Variants in DACH2 observed in about 807,000 individuals in gnomAD.
DACH2 encodes the protein dachshund family transcription factor 2, also known as dachshund homolog 2.
A neutral mutation model predicts 35.8 loss-of-function variants in DACH2; 17 were observed. The ratio of observed to expected loss-of-function variants is 0.48; its 90% CI spans 0.33 to 0.71. The LOEUF (loss-of-function observed/expected upper bound fraction) is 0.71. DACH2 is among the 30% of genes least tolerant of loss of function. The pLI, the probability that DACH2 is intolerant of heterozygous loss-of-function variation, is 0.02. For missense variants in DACH2, 469 were observed against 472.7 expected, an observed-to-expected ratio of 0.99 and a Z score of 0.07; for synonymous variants, 195 against 177.3, an observed-to-expected ratio of 1.10 and a Z score of -0.79.
At chrX:86,359,084 C>CGTGTGTGTGTGTGTGTGTGT (rs1556037574) in intron 1 of DACH2, among the ~76,000 whole-genome samples, 2 of 98,492 alleles carry the variant, frequency 2.0e-5, no homozygotes, top group African/African-American at 7.4e-5. Flanking sequence ...TATATTTTGT[C>CGTGTGTGTGTGTGTGTGTGT]GTGTGTGTGT....
At chrX:86,185,690 A>G (rs1356703482) in intron 1 of DACH2, among the ~76,000 whole-genome samples, 1 of 111,535 alleles carries the variant, frequency 9.0e-6, no homozygotes, top group Non-Finnish European at 1.9e-5. Context: ...AAATATAGGC[A>G]TTATGTAGCC....
At chrX:86,430,806 G>C (rs867094571) in intron 2 of DACH2, among the ~76,000 whole-genome samples, 1 of 112,112 alleles carries the variant, frequency 8.9e-6, no homozygotes, top group Non-Finnish European at 1.9e-5. Context: ...GTGTGCTCAC[G>C]TAACTCAAAC....
At chrX:86,255,059 T>C (rs1199898447) in intron 1 of DACH2, among the ~76,000 whole-genome samples, 1 of 108,949 alleles carries the variant, frequency 9.2e-6, no homozygotes, top group East Asian at 2.9e-4. Flanking sequence ...GATTGCTCTA[T>C]CACAGTGATG....
At chrX:86,349,940 C>T (rs1405286855) in intron 1 of DACH2, among the ~76,000 whole-genome samples, 3 of 111,669 alleles carry the variant, frequency 2.7e-5, no homozygotes, top group African/African-American at 9.8e-5. Flanking sequence ...CTGACGTGGG[C>T]TGATCACTTG....
At chrX:86,579,809 A>T (rs973570848) in intron 3 of DACH2, among the ~76,000 whole-genome samples, 1 of 112,398 alleles carries the variant, frequency 8.9e-6, no homozygotes, top group Non-Finnish European at 1.9e-5. Context: ...TTTGTTGAAG[A>T]TGATTGTTTT....
At chrX:86,323,047 C>A (rs2035045602) in intron 1 of DACH2, among the ~76,000 whole-genome samples, 1 of 112,627 alleles carries the variant, frequency 8.9e-6, no homozygotes. Context: ...TAGAGAGAGG[C>A]TTTTGGCAAA....
At chrX:86,484,246 A>AG in intron 2 of DACH2, among the ~76,000 whole-genome samples, 1 of 111,736 alleles carries the variant, frequency 8.9e-6, no homozygotes, top group Admixed American at 9.5e-5. Context: ...TGCTAAACTG[A>AG]TTTAGCTGAA....
intron 4 of DACH2, among the ~76,000 whole-genome samples, chrX:86,672,457 G>T (rs1186993537): frequency 9.0e-6 from 1 of 111,154 alleles, no homozygotes; most frequent in Admixed American, 9.6e-5. Flanking sequence ...GATATTGTAG[G>T]CTGGACCCAG....
intron 1 of DACH2, among the ~76,000 whole-genome samples, chrX:86,316,413 C>A (rs1218405113): frequency 9.0e-6 from 1 of 111,422 alleles, no homozygotes; most frequent in Non-Finnish European, 1.9e-5. Context: ...TGTTTTACAG[C>A]CTGATCTTCC....
intron 2 of DACH2, among the ~76,000 whole-genome samples, chrX:86,468,937 A>G (rs1337588656): frequency 8.9e-6 from 1 of 111,931 alleles, no homozygotes; most frequent in Non-Finnish European, 1.9e-5. Flanking sequence ...CAATAGCCAA[A>G]TATGGAATCA....
chrX:86,827,614 T>C (rs1233576909), intron 11 of DACH2, among the ~76,000 whole-genome samples: 1 of 111,983 alleles, frequency 8.9e-6, no homozygotes, highest in African/African-American at 3.2e-5. Flanking sequence ...AATACATTAA[T>C]TGCGAGAGAT....
At chrX:86,181,535 A>G (rs1046685672) in intron 1 of DACH2, among the ~76,000 whole-genome samples, 2 of 111,515 alleles carry the variant, frequency 1.8e-5, no homozygotes, top group Admixed American at 1.9e-4. Context: ...TTATGGCTGC[A>G]TAGTATTCCA....
At chrX:86,455,655 G>A (rs748202663) in intron 2 of DACH2, among the ~76,000 whole-genome samples, 13 of 112,687 alleles carry the variant, frequency 1.2e-4, no homozygotes, top group South Asian at 3.7e-4. Context: ...GAATGTATGC[G>A]TTTACTGAAC....
chrX:86,754,736 T>C (rs142684501), intron 7 of DACH2, among the ~76,000 whole-genome samples: 7,353 of 111,534 alleles, frequency 0.066, 575 homozygotes, highest in African/African-American at 0.23. Flanking sequence ...ATTCCATCCA[T>C]GTTGTGGTAA....
chrX:86,490,996 G>A (rs759178742), intron 2 of DACH2, among the ~76,000 whole-genome samples: 5 of 110,871 alleles, frequency 4.5e-5, no homozygotes, highest in Non-Finnish European at 9.5e-5. Flanking sequence ...GTACAGATTT[G>A]GAGGATTAGA....
At chrX:86,801,601 T>C (rs979035759) in intron 7 of DACH2, among the ~76,000 whole-genome samples, 2 of 112,192 alleles carry the variant, frequency 1.8e-5, no homozygotes, top group Admixed American at 9.5e-5. Flanking sequence ...TTAGTGAGCA[T>C]ATTGATAAAA....
intron 7 of DACH2, among the ~76,000 whole-genome samples, chrX:86,741,139 G>A (rs1319380271): frequency 9.0e-6 from 1 of 111,575 alleles, no homozygotes; most frequent in Non-Finnish European, 1.9e-5. Context: ...TCATAATAGC[G>A]ATTGCTTTCA....
intron 1 of DACH2, among the ~76,000 whole-genome samples, chrX:86,267,809 C>A (rs1168213276): frequency 1.8e-5 from 2 of 112,173 alleles, no homozygotes; most frequent in African/African-American, 6.5e-5. Flanking sequence ...AGTGTCCCCC[C>A]ACCCCATTTG....
In DACH2 at chrX:86,769,940, T is replaced by A. The variant is rs767491053; in HGVS notation, c.1240+30058T>A. ...ACTTTGGGAGGCTGAGGCGGGAGGA[T>A]TGTCTGAGCCCAGGAGTTCGCAACC... On this transcript the variant is annotated intron_variant, in intron 7 of 11. Coordinates refer to ENST00000373125, the MANE Select transcript of DACH2 (RefSeq NM_053281.3). Among the ~76,000 whole-genome samples the A allele has an allele frequency of 2.8e-5, 3 of 108,253 alleles. No homozygotes were observed. The South Asian group carries it at 1.2e-3, about 45-fold the overall frequency. The allele number at this position is 108,253 out of a possible 115,157, so 94.0% of individuals were successfully genotyped here. A position where few individuals can be genotyped will look rare whatever the true frequency, so the allele number is the denominator to read the frequency against.
Sources: gnomAD v4.1 joint callset for allele counts (sites outside exome capture counted in the v4.1 genomes callset) on GRCh38, gnomAD v4.1.1 for gene constraint, MANE v1.5 for transcripts, NCBI Gene and HGNC (gene_info 2026-07-23, HGNC 2026-07-21) for gene names.